Variants in IGSF5 observed in about 807,000 individuals in gnomAD.
IGSF5 encodes immunoglobulin superfamily 5 like.
In IGSF5, 41 loss-of-function variants were observed where a neutral mutation model predicts 39.4. The ratio of observed to expected loss-of-function variants is 1.04; its 90% CI spans 0.81 to 1.35. IGSF5 has a LOEUF of 1.35. Ranked by LOEUF, IGSF5 falls within the 40% of genes most tolerant of loss-of-function variation. IGSF5 has a pLI of 0.00. For synonymous variants in IGSF5, 183 were observed against 175.3 expected (o/e 1.04, Z -0.34); for missense variants, 487 against 494.6 (o/e 0.98, Z 0.15).
the IGSF5 span, among the ~76,000 whole-genome samples, chr21:39,723,057 G>A: frequency 1.3e-5 from 2 of 152,220 alleles, no homozygotes; most frequent in Non-Finnish European, 2.9e-5. Flanking sequence ...TGCCGCAAAA[G>A]CAGCTTAAAA....
At chr21:39,758,850 A>G (rs1385986408) in intron 2 of IGSF5, among the ~76,000 whole-genome samples, 1 of 152,208 alleles carries the variant, frequency 6.6e-6, no homozygotes, top group Non-Finnish European at 1.5e-5. Context: ...CTCCTCTTGC[A>G]TTCCTGATGG....
At chr21:39,726,540 A>T in the IGSF5 span, among the ~76,000 whole-genome samples, 1 of 151,446 alleles carries the variant, frequency 6.6e-6, no homozygotes, top group Non-Finnish European at 1.5e-5. Context: ...AGGAGCCAAG[A>T]TGGCAGGGCA....
chr21:39,752,242 A>G (rs1261206307), intron 2 of IGSF5, among the ~76,000 whole-genome samples: 3 of 152,176 alleles, frequency 2.0e-5, no homozygotes, highest in African/African-American at 7.2e-5. Flanking sequence ...GCTCCCACTT[A>G]TAAGTGAGAA....
intron 2 of IGSF5, among the ~76,000 whole-genome samples, chr21:39,763,730 G>A (rs1297324153): frequency 6.6e-6 from 1 of 152,144 alleles, no homozygotes; most frequent in Non-Finnish European, 1.5e-5. Context: ...CCATTGACCC[G>A]AGGTGGGAGT....
chr21:39,783,518 C>T (rs547772279), intron 5 of IGSF5, among the ~76,000 whole-genome samples: 22 of 152,112 alleles, frequency 1.4e-4, no homozygotes, highest in Non-Finnish European at 8.8e-5. Flanking sequence ...TCTAAGAAGA[C>T]ATCTAAATTG....
At chr21:39,797,450 C>T (rs1601145358) in intron 8 of IGSF5, among the ~76,000 whole-genome samples, 1 of 152,258 alleles carries the variant, frequency 6.6e-6, no homozygotes, top group Admixed American at 6.5e-5. Flanking sequence ...AACTCCTGAC[C>T]TCAGGTGACC....
the IGSF5 span, among the ~76,000 whole-genome samples, chr21:39,718,429 T>G: frequency 6.6e-6 from 1 of 152,106 alleles, no homozygotes; most frequent in Admixed American, 6.5e-5. Flanking sequence ...CTTGTGCTGA[T>G]TTTCAAGGGG....
intron 4 of IGSF5, among the ~76,000 whole-genome samples, chr21:39,776,107 A>G (rs1343034919): frequency 6.6e-6 from 1 of 152,196 alleles, no homozygotes; most frequent in African/African-American, 2.4e-5. Flanking sequence ...ATATATGGCT[A>G]TGATCTATTT....
At chr21:39,760,139 A>G (rs564366063) in intron 2 of IGSF5, among the ~76,000 whole-genome samples, 4 of 152,308 alleles carry the variant, frequency 2.6e-5, no homozygotes, top group African/African-American at 7.2e-5. Flanking sequence ...GTGTGCACCC[A>G]TAAGTCTCTT....
At position 39,779,136 on chromosome 21, in the gene IGSF5, G is replaced by A. The variant is rs767089384; in HGVS notation, c.765G>A (p.Pro255=). The A allele has an allele frequency of 8.7e-6, 14 of 1,613,732 alleles. No individual in the cohort carries two copies. The highest frequency in any genetic ancestry group is 4.5e-5 in the East Asian group (2 of 44,892). ...TTCCAGGTGTATTATCAAGTTTACC[G>A]AGTTTAGGTTTTTCATTGCCTACTT... ...INIPGVLSSL[P]SLGFSLPTWG... is the part of the protein sequence containing the mutation. Residue 255 remains proline (P), a synonymous_variant, in exon 5 of 9, where the codon CCG becomes CCA. Transcript: ENST00000380588.
the IGSF5 span, among the ~76,000 whole-genome samples, chr21:39,715,152 C>G: frequency 6.6e-6 from 1 of 152,006 alleles, no homozygotes; most frequent in South Asian, 2.1e-4. Flanking sequence ...AAGTCTCACT[C>G]TGTCACCCAG....
intron 3 of IGSF5, among the ~76,000 whole-genome samples, chr21:39,770,701 T>C (rs1015084314): frequency 2.0e-5 from 3 of 152,124 alleles, no homozygotes; most frequent in African/African-American, 7.2e-5. Context: ...CAACCTCACC[T>C]TCTTCAGAGA....
At chr21:39,737,659 G>A in the IGSF5 span, among the ~76,000 whole-genome samples, 1 of 152,222 alleles carries the variant, frequency 6.6e-6, no homozygotes, top group Non-Finnish European at 1.5e-5. Context: ...GGGGGGCGGA[G>A]CTTCCATGCC....
At chr21:39,744,155 G>A (rs1347898323), upstream of IGSF5, among the ~76,000 whole-genome samples, 2 of 151,996 alleles carry the variant, frequency 1.3e-5, no homozygotes, top group East Asian at 1.9e-4. Flanking sequence ...CTGTTTTCCC[G>A]CCTTTCTTGA....
chr21:39,734,483 T>C, the IGSF5 span, among the ~76,000 whole-genome samples: 1 of 139,786 alleles, frequency 7.2e-6, no homozygotes, highest in East Asian at 2.0e-4. Flanking sequence ...CACTCATTAC[T>C]CATTATAATA....
the IGSF5 span, among the ~76,000 whole-genome samples, chr21:39,733,602 G>T: frequency 3.9e-5 from 6 of 152,276 alleles, no homozygotes; most frequent in African/African-American, 1.2e-4. Context: ...GCCTCCCAGG[G>T]CTGCCTGGGA....
intron 8 of IGSF5, among the ~76,000 whole-genome samples, chr21:39,793,973 A>G (rs1569260165): frequency 6.6e-6 from 1 of 152,216 alleles, no homozygotes; most frequent in African/African-American, 2.4e-5. Flanking sequence ...ACTCAAGTCC[A>G]TTCTGCTCTC....
At position 39,746,748 on chromosome 21, in the gene IGSF5, G is replaced by C. The variant is rs116613333; in HGVS notation, c.100+450G>C. 4.7e-3 allele frequency among the ~76,000 whole-genome samples: 710 copies of C among 152,280 alleles called. 7 individuals carry two copies. The highest frequency in any genetic ancestry group is 0.016 in the African/African-American group (663 of 41,550). ...ATAATAAGACACTTTCGGAATGGGG[G>C]CTCAGCACACTGTCAGGGCTCTCAG... On this transcript the variant is annotated intron_variant, in intron 2 of 8. Coordinates refer to ENST00000380588, the MANE Select transcript of IGSF5 (RefSeq NM_001080444.2).
At chr21:39,736,767 A>G in the IGSF5 span, among the ~76,000 whole-genome samples, 1 of 151,278 alleles carries the variant, frequency 6.6e-6, no homozygotes, top group Admixed American at 6.5e-5. Context: ...ATAACTTAAC[A>G]TCTTCCAGAA....
Sources: allele counts gnomAD v4.1 joint callset (sites outside exome capture counted in the v4.1 genomes callset), GRCh38; gene constraint gnomAD v4.1.1; transcripts MANE v1.5; gene names NCBI Gene and HGNC (gene_info 2026-07-23, HGNC 2026-07-21).